The following NRG1 variants were observed in gnomAD, a reference collection of about 807,000 sequenced individuals.
NRG1 encodes the protein neuregulin 1.
Under a neutral mutation model 63.8 loss-of-function variants are expected in NRG1, and 18 were observed. The observed-to-expected ratio is 0.28, with a 90% CI of 0.19 to 0.42. The LOEUF (loss-of-function observed/expected upper bound fraction) is 0.42. Among genes scored for constraint, NRG1 ranks in the 10% least tolerant of loss-of-function variants. The pLI, the probability that NRG1 is intolerant of heterozygous loss-of-function variation, is 1.00. For synonymous variants in NRG1, 302 were observed against 301.3 expected, an observed-to-expected ratio of 1.00 and a Z score of -0.02; for missense variants, 762 against 814.7, an observed-to-expected ratio of 0.94 and a Z score of 0.79.
intron 1 of NRG1, among the ~76,000 whole-genome samples, chr8:32,416,670 GTTGT>G (rs1343574889): frequency 6.6e-6 from 1 of 150,538 alleles, no homozygotes; most frequent in Non-Finnish European, 1.5e-5. Flanking sequence ...TTTTGTCGTT[GTTGT>G]TTGTTTTTTG....
chr8:32,244,817 G>T (rs1391776335), intron 1 of NRG1, among the ~76,000 whole-genome samples: 2 of 152,174 alleles, frequency 1.3e-5, no homozygotes, highest in African/African-American at 2.4e-5. Flanking sequence ...AAGGCCAGTT[G>T]TTTCAAAGTC....
At chr8:31,849,202 A>G (rs951278230) in intron 1 of NRG1, among the ~76,000 whole-genome samples, 1 of 152,204 alleles carries the variant, frequency 6.6e-6, no homozygotes, top group Admixed American at 6.5e-5. Context: ...TAAAGAATAT[A>G]GAGTCAAGAA....
At chr8:32,084,378 A>G (rs1249352504) in intron 1 of NRG1, among the ~76,000 whole-genome samples, 1 of 152,186 alleles carries the variant, frequency 6.6e-6, no homozygotes, top group African/African-American at 2.4e-5. Context: ...CCTTTCCAGG[A>G]AAGTTCTATA....
intron 1 of NRG1, among the ~76,000 whole-genome samples, chr8:32,257,307 T>C (rs1320717697): frequency 1.3e-5 from 2 of 152,182 alleles, no homozygotes; most frequent in Admixed American, 1.3e-4. Context: ...TCTGTCTCAC[T>C]GGCATTCCAG....
At chr8:32,558,789 G>A (rs1006094791) in intron 1 of NRG1, among the ~76,000 whole-genome samples, 1 of 152,084 alleles carries the variant, frequency 6.6e-6, no homozygotes, top group Non-Finnish European at 1.5e-5. Context: ...AGCAATGTAA[G>A]TTACAGCTGT....
At chr8:32,583,092 G>A (rs1840964252) in intron 1 of NRG1, among the ~76,000 whole-genome samples, 1 of 151,522 alleles carries the variant, frequency 6.6e-6, no homozygotes, top group Non-Finnish European at 1.5e-5. Flanking sequence ...AGTATATGTA[G>A]TTTTTCAGAT....
At chr8:31,656,389 T>A (rs148398870) in intron 1 of NRG1, among the ~76,000 whole-genome samples, 20 of 152,266 alleles carry the variant, frequency 1.3e-4, no homozygotes, top group Non-Finnish European at 2.1e-4. Context: ...GCACATTGCA[T>A]TTAGGACCAG....
At chr8:32,086,088 A>T (rs1828183118) in intron 1 of NRG1, among the ~76,000 whole-genome samples, 1 of 152,220 alleles carries the variant, frequency 6.6e-6, no homozygotes, top group Non-Finnish European at 1.5e-5. Flanking sequence ...GTGAAGTAGA[A>T]ATTATGCTCT....
intron 5 of NRG1, chr8:32,648,239 G>T (rs1183763274): frequency 6.2e-7 from 1 of 1,614,050 alleles, no homozygotes; most frequent in African/African-American, 1.3e-5. Context: ...CACCGACACC[G>T]AAGAATCGTA....
intron 9 of NRG1, among the ~76,000 whole-genome samples, chr8:32,757,118 C>G (rs1378866419): frequency 1.3e-5 from 2 of 152,128 alleles, no homozygotes; most frequent in Non-Finnish European, 2.9e-5. Flanking sequence ...GTCAAGCCCT[C>G]CAGATGAAAT....
chr8:32,654,521 C>T (rs920870767), intron 5 of NRG1, among the ~76,000 whole-genome samples: 43 of 151,800 alleles, frequency 2.8e-4, no homozygotes, highest in South Asian at 4.1e-4. Context: ...CCCAGCTACT[C>T]GGGAGGCTGA....
chr8:32,360,552 C>T (rs1009735398), intron 1 of NRG1, among the ~76,000 whole-genome samples: 1 of 152,134 alleles, frequency 6.6e-6, no homozygotes, highest in Non-Finnish European at 1.5e-5. Context: ...GTGGCTTTGA[C>T]AACTTTAAAC....
intron 1 of NRG1, among the ~76,000 whole-genome samples, chr8:32,081,294 C>A (rs538345651): frequency 2.0e-5 from 3 of 152,222 alleles, no homozygotes; most frequent in Admixed American, 6.5e-5. Context: ...TCAACATATG[C>A]ATTTTGAGGA....
At chr8:31,970,870 G>C (rs1807157933) in intron 1 of NRG1, among the ~76,000 whole-genome samples, 1 of 151,912 alleles carries the variant, frequency 6.6e-6, no homozygotes, top group Admixed American at 6.6e-5. Context: ...CATCTCCTTG[G>C]GCCTCAGGCT....
intron 5 of NRG1, among the ~76,000 whole-genome samples, chr8:32,666,862 C>T (rs540735924): frequency 1.4e-4 from 22 of 152,312 alleles, no homozygotes; most frequent in African/African-American, 4.3e-4. Flanking sequence ...TGGAATCATG[C>T]GTTATTTGTC....
At chr8:32,522,539 G>A (rs934170468) in intron 1 of NRG1, among the ~76,000 whole-genome samples, 6 of 152,060 alleles carry the variant, frequency 3.9e-5, no homozygotes, top group African/African-American at 7.2e-5. Flanking sequence ...CCTAGTTCAT[G>A]CTTTTGTGTC....
chr8:31,884,805 T>C (rs1038867074), intron 1 of NRG1, among the ~76,000 whole-genome samples: 1 of 152,118 alleles, frequency 6.6e-6, no homozygotes, highest in African/African-American at 2.4e-5. Context: ...TTTTTTTACA[T>C]TGTGCTAGAA....
intron 1 of NRG1, among the ~76,000 whole-genome samples, chr8:31,683,357 G>T (rs1268894286): frequency 6.6e-6 from 1 of 152,140 alleles, no homozygotes; most frequent in African/African-American, 2.4e-5. Context: ...ATACTATTCA[G>T]TGCTATCAGT....
At chr8:32,749,057 A>G (rs1828140063) in intron 7 of NRG1, 1 of 164,982 alleles carries the variant, frequency 6.1e-6, no homozygotes, top group Admixed American at 6.1e-5. Flanking sequence ...ACCTGATAAC[A>G]TTTTCAGACC....
Sources: allele counts gnomAD v4.1 joint callset (sites outside exome capture counted in the v4.1 genomes callset), GRCh38; gene constraint gnomAD v4.1.1; transcripts MANE v1.5; gene names NCBI Gene and HGNC (gene_info 2026-07-23, HGNC 2026-07-21).